ZNF701: variants seen among roughly 807,000 people sequenced by gnomAD.
ZNF701 encodes the protein zinc finger protein 701.
In ZNF701, 6 loss-of-function variants were observed where a neutral mutation model predicts 7.1. The observed-to-expected ratio is 0.84, with a 90% confidence interval of 0.46 to 1.66. The LOEUF (loss-of-function observed/expected upper bound fraction) is 1.66. Among genes scored for constraint, ZNF701 ranks in the 40% most tolerant of loss-of-function variants. The probability of loss-of-function intolerance (pLI) is 0.01; values close to 1 mark genes in which losing one functional copy is unlikely to be tolerated. For missense variants in ZNF701, 541 were observed against 559.2 expected (o/e 0.97, Z 0.33); for synonymous variants, 166 against 188.2 (o/e 0.88, Z 0.97).
At chr19:52,578,758 A>G (rs949184078) in intron 3 of ZNF701, among the ~76,000 whole-genome samples, 1 of 152,024 alleles carries the variant, frequency 6.6e-6, no homozygotes, top group Non-Finnish European at 1.5e-5. Context: ...GTTAGCGTCC[A>G]TTTCTTTTAT....
chr19:52,575,015 G>A (rs964237769), intron 2 of ZNF701, among the ~76,000 whole-genome samples: 1 of 152,118 alleles, frequency 6.6e-6, no homozygotes, highest in Non-Finnish European at 1.5e-5. Context: ...TGTTGCCCAG[G>A]CTGTAGTGCA....
At chr19:52,576,987 G>A (rs162826) in intron 3 of ZNF701, among the ~76,000 whole-genome samples, 30,589 of 150,338 alleles carry the variant, frequency 0.2, 3,827 homozygotes, top group African/African-American at 0.36. Context: ...TTCAAATAGT[G>A]TGTGGGGAAA....
chr19:52,591,777 A>G (rs2169527), downstream of ZNF701, among the ~76,000 whole-genome samples: 66,357 of 151,862 alleles, frequency 0.44, 14,509 homozygotes, highest in Middle Eastern at 0.47. Flanking sequence ...GATGGTCTCA[A>G]ACTCCTCAAG....
downstream of ZNF701, chr19:52,592,031 T>C (rs1484517552): frequency 1.5e-6 from 1 of 647,534 alleles, no homozygotes; most frequent in African/African-American, 1.8e-5. Flanking sequence ...TATTTTCTCT[T>C]TTCTCATTTC....
At chr19:52,576,066 T>G (rs773626611) in intron 3 of ZNF701, 45 bp downstream of exon 3, 3 of 1,605,120 alleles carry the variant, frequency 1.9e-6, no homozygotes, top group South Asian at 1.1e-5. Context: ...CCCTTGTGGA[T>G]CTTTGTATTT....
intron 1 of ZNF701, chr19:52,572,104 T>G (rs1464920658): frequency 3.4e-6 from 1 of 297,466 alleles, no homozygotes; most frequent in Non-Finnish European, 6.6e-6. Context: ...ATTATAGGCA[T>G]GAGCCACCGA....
chr19:52,576,582 T>C (rs2059935892), intron 3 of ZNF701, among the ~76,000 whole-genome samples: 1 of 151,148 alleles, frequency 6.6e-6, no homozygotes, highest in African/African-American at 2.5e-5. Flanking sequence ...TTTAATCATA[T>C]CCAGTTTCCT....
chr19:52,576,397 C>T (rs1239003295), intron 3 of ZNF701, among the ~76,000 whole-genome samples: 3 of 151,936 alleles, frequency 2.0e-5, no homozygotes, highest in African/African-American at 4.8e-5. Flanking sequence ...AAAAATTAGC[C>T]GGGCGTCGTG....
At chr19:52,590,107 GT>G (rs5828512), downstream of ZNF701, among the ~76,000 whole-genome samples, 48 of 137,306 alleles carry the variant, frequency 3.5e-4, no homozygotes, top group East Asian at 8.8e-4. Flanking sequence ...TTTTTTTATT[GT>G]TTTTTTTTTT....
At position 52,582,842 on chromosome 19, in the gene ZNF701, T is replaced by C. The variant is rs1488536199; in HGVS notation, c.783T>C (p.His261=). 2 of 1,614,196 alleles carry C rather than the reference T, an allele frequency of 1.2e-6. No individual in the cohort carries two copies. Among genetic ancestry groups the C allele is most frequent in the Admixed American group, 1.7e-5 (1 of 60,010 alleles). Reference sequence around the variant, plus strand: ...ATCAGAAGCGATACCTTGCATGCCATAGATGTCACACTGGTGAGAATCCTT... The same window carrying C: ...ATCAGAAGCGATACCTTGCATGCCACAGATGTCACACTGGTGAGAATCCTT... ...DFHQKRYLAC[H]RCHTGENPYT... Residue 261 remains histidine (H), a synonymous_variant, in exon 4 of 4, where the codon CAT becomes CAC. Transcript: ENST00000391785.
At position 52,582,351 on chromosome 19, in the gene ZNF701, G is replaced by C. The variant is rs774524538; in HGVS notation, c.292G>C (p.Val98Leu). The C allele has an allele frequency of 5.0e-6, 8 of 1,613,288 alleles. No individual in the cohort carries two copies. Among genetic ancestry groups the C allele is most frequent in the Non-Finnish European group, 6.8e-6 (8 of 1,179,860 alleles). Reference protein sequence around the residue: ...QEIEKDIHDFVFQWQENETNG... With the variant: ...QEIEKDIHDFLFQWQENETNG... ...AATTGAGAAAGATATTCATGACTTT[G>C]TGTTTCAGTGGCAAGAAAATGAAAC... The change falls in exon 4 of 4, where the codon GTG (valine) becomes CTG (leucine). Residue 98 changes from valine to leucine, a missense_variant. Val to Leu is a conservative substitution (Grantham distance 32). Coordinates refer to ENST00000391785, the MANE Select transcript of ZNF701 (RefSeq NM_018260.3).
chr19:52,584,729 G>A lies in ZNF701; in HGVS notation c.*1272G>A, dbSNP rs1369584285. ...TTAATTTTCGTTTAAATTTTTTATT[G>A]TTTATGGAAATTCAATTAATTTTTG... On this transcript the variant is annotated 3_prime_UTR_variant, in exon 4 of 4. Coordinates refer to ENST00000391785, the MANE Select transcript of ZNF701 (RefSeq NM_018260.3). 6.6e-6 allele frequency: 1 copy of A among 152,068 alleles called. No homozygotes were observed. The highest frequency in any genetic ancestry group is 2.4e-5 in the African/African-American group (1 of 41,412). The allele number at this position is 152,068 out of a possible 1,614,324, so 9.4% of individuals were successfully genotyped here.
In ZNF701 at chr19:52,583,944, G is replaced by T; in HGVS notation, c.*487G>T. 1 of 405,640 alleles carries T rather than the reference G, an allele frequency of 2.5e-6. No individual in the cohort carries two copies. The allele number at this position is 405,640 out of a possible 1,614,324, so 25.1% of individuals were successfully genotyped here. On this transcript the variant is annotated 3_prime_UTR_variant, in exon 4 of 4. Transcript: ENST00000391785. ...GCAGTTCATTGGCGATCTTATACAGGAGAGAAATCTTACAAATGTGATGAT... is the reference window on the plus strand; with the variant it reads ...GCAGTTCATTGGCGATCTTATACAGTAGAGAAATCTTACAAATGTGATGAT...
Position 52,577,824 on chromosome 19 carries a change from C to T in ZNF701, c.142+1803C>T, listed in dbSNP as rs1318188080. Among the ~76,000 whole-genome samples, 5 of 152,206 alleles carry T rather than the reference C, an allele frequency of 3.3e-5. No homozygotes were observed. In the South Asian group the frequency reaches 1.0e-3, roughly 32 times the overall value. ...GCCCGCAGTCATCCGGAGGCCTAAA[C>T]CCCTCCCTGTGGTGCTGTGCTTCAA... On this transcript the variant is annotated intron_variant, in intron 3 of 3. Transcript: ENST00000391785.
the ZNF701 span, chr19:52,596,152 CTCATGTT>C: frequency 4.0e-6 from 3 of 754,704 alleles, no homozygotes; most frequent in African/African-American, 5.2e-5. Context: ...TTAATCATAG[CTCATGTT>C]TAAGGAGACA....
chr19:52,593,179 C>G, the ZNF701 span, among the ~76,000 whole-genome samples: 1 of 118,240 alleles, frequency 8.5e-6, no homozygotes, highest in African/African-American at 3.3e-5. Context: ...ATGTCTACCT[C>G]TTTCTACACA....
intron 3 of ZNF701, among the ~76,000 whole-genome samples, chr19:52,576,523 G>A (rs760080910): frequency 2.1e-4 from 32 of 152,190 alleles, no homozygotes; most frequent in Non-Finnish European, 3.8e-4. Context: ...CTGGGCAACA[G>A]AGCAAGACTC....
At chr19:52,588,872 T>C (rs918445637), downstream of ZNF701, among the ~76,000 whole-genome samples, 5 of 152,182 alleles carry the variant, frequency 3.3e-5, no homozygotes, top group African/African-American at 9.7e-5. Context: ...GCCTCTCAAG[T>C]ATCTGGGATT....
chr19:52,598,420 C>A, the ZNF701 span, among the ~76,000 whole-genome samples: 1 of 152,022 alleles, frequency 6.6e-6, no homozygotes, highest in East Asian at 1.9e-4. Context: ...CTGTCTGGGG[C>A]AGGGTGGGGG....
Sources: allele counts gnomAD v4.1 joint callset (sites outside exome capture counted in the v4.1 genomes callset), GRCh38; gene constraint gnomAD v4.1.1; transcripts MANE v1.5; gene names NCBI Gene and HGNC (gene_info 2026-07-23, HGNC 2026-07-21).